Variants in DHX57 observed in about 807,000 individuals in gnomAD.
DHX57 encodes putative ATP-dependent RNA helicase DHX57.
Under a neutral mutation model 156.2 loss-of-function variants are expected in DHX57, and 105 were observed. The ratio of observed to expected loss-of-function variants is 0.67; its 90% CI spans 0.57 to 0.79. The LOEUF (loss-of-function observed/expected upper bound fraction) is 0.79, where lower values mean the gene tolerates loss of function less well. DHX57 is among the 30% of genes least tolerant of loss of function. DHX57 has a pLI of 0.00. For synonymous variants in DHX57, 704 were observed against 595.6 expected, an observed-to-expected ratio of 1.18 and a Z score of -2.65; for missense variants, 1,847 against 1,661.9, an observed-to-expected ratio of 1.11 and a Z score of -1.94.
At chr2:38,833,040 C>G (rs1357211979) in intron 13 of DHX57, among the ~76,000 whole-genome samples, 15 of 146,426 alleles carry the variant, frequency 1.0e-4, no homozygotes, top group Admixed American at 7.0e-4. Context: ...TGGTGGTGAG[C>G]CACTGTGCCT....
intron 15 of DHX57, 151 bp downstream of exon 15, chr2:38,826,365 A>T: frequency 1.1e-6 from 1 of 890,924 alleles, no homozygotes; most frequent in Non-Finnish European, 1.7e-6. Flanking sequence ...GGTCCTGGCT[A>T]CACAATCATT....
intron 2 of DHX57, among the ~76,000 whole-genome samples, chr2:38,864,512 C>T (rs763904293): frequency 6.6e-6 from 1 of 152,094 alleles, no homozygotes; most frequent in African/African-American, 2.4e-5. Flanking sequence ...TAAAGTCATC[C>T]TTTATCTTAA....
intron 1 of DHX57, among the ~76,000 whole-genome samples, chr2:38,873,776 C>A: frequency 6.6e-6 from 1 of 152,000 alleles, no homozygotes; most frequent in Non-Finnish European, 1.5e-5. Flanking sequence ...GAGGGTAACA[C>A]AGACATTAAA....
At chr2:38,837,782 G>T (rs778732295) in intron 13 of DHX57, 49 bp downstream of exon 13, 2 of 1,145,286 alleles carry the variant, frequency 1.7e-6, no homozygotes, top group East Asian at 2.3e-5. Flanking sequence ...ATTTAGCCAA[G>T]GACTAAGTGT....
In DHX57 at chr2:38,847,008, A is replaced by G; in HGVS notation, c.2219+11T>C. The G allele has an allele frequency of 1.2e-6, 2 of 1,608,680 alleles. No homozygotes were observed. Among genetic ancestry groups the G allele is most frequent in the East Asian group, 2.2e-5 (1 of 44,802 alleles). On this transcript the variant is annotated intron_variant, in intron 11 of 23. Transcript: ENST00000457308. ...GTCCTTTCACTGAATCTTAATTAAT[A>G]TCTTCCTTACCTTGTCACAGCAATT...
At chr2:38,799,750 C>CA (rs34097778) in intron 23 of DHX57, among the ~76,000 whole-genome samples, 56,580 of 98,954 alleles carry the variant, frequency 0.57, 16,137 homozygotes, top group East Asian at 0.77. Context: ...AACTCCATCT[C>CA]AAAAAAAAAA....
intron 12 of DHX57, among the ~76,000 whole-genome samples, chr2:38,841,759 G>A (rs559081795): frequency 7.2e-5 from 11 of 152,272 alleles, no homozygotes; most frequent in African/African-American, 2.4e-4. Flanking sequence ...GAAAGCAAAA[G>A]TAGTGATCCT....
chr2:38,802,571 A>T, intron 23 of DHX57, 144 bp downstream of exon 23: 1 of 999,008 alleles, frequency 1.0e-6, no homozygotes, highest in Non-Finnish European at 1.4e-6. Flanking sequence ...TATAGGTGTG[A>T]GCCACTGGGC....
chr2:38,800,185 CAAAA>C (rs55726914), intron 23 of DHX57, among the ~76,000 whole-genome samples: 3 of 93,502 alleles, frequency 3.2e-5, no homozygotes. Context: ...AACTCCATCT[CAAAA>C]AAAAAAAAAA....
intron 14 of DHX57, among the ~76,000 whole-genome samples, chr2:38,827,518 A>G: frequency 6.1e-5 from 1 of 16,414 alleles, no homozygotes; most frequent in Non-Finnish European, 1.4e-3. Flanking sequence ...ATATATATAT[A>G]TATATATATA....
At position 38,856,435 on chromosome 2, in the gene DHX57, C is replaced by A; in HGVS notation, c.1614G>T (p.Leu538=). ...KQASRQFQSI[L]QERQSLPAWE... ...AAGCAGGGAGTGATTGCCTCTCTTGCAGAATGGACTGGAACTGTCTGGAAG... is the reference window on the plus strand; with the variant it reads ...AAGCAGGGAGTGATTGCCTCTCTTGAAGAATGGACTGGAACTGTCTGGAAG... Residue 538 remains leucine, a synonymous_variant, in exon 7 of 24, where the codon CTG becomes CTT. Transcript: ENST00000457308. The A allele has an allele frequency of 6.2e-7, 1 of 1,613,254 alleles. No individual in the cohort carries two copies. The highest frequency in any genetic ancestry group is 1.7e-5 in the Admixed American group (1 of 59,920).
At chr2:38,875,267 C>G (rs991676096) in intron 1 of DHX57, among the ~76,000 whole-genome samples, 1 of 152,206 alleles carries the variant, frequency 6.6e-6, no homozygotes, top group Non-Finnish European at 1.5e-5. Context: ...ATACAGGGAC[C>G]TAAGTTTGGC....
In DHX57 at chr2:38,874,134, C is replaced by G. The variant is rs144262793; in HGVS notation, c.-7+1653G>C. 2.7e-3 allele frequency among the ~76,000 whole-genome samples: 414 copies of G among 152,162 alleles called. 2 individuals are homozygous for G. The highest frequency in any genetic ancestry group is 0.01 in the Middle Eastern group (3 of 294). On this transcript the variant is annotated intron_variant, in intron 1 of 23. Transcript: ENST00000457308. ...TGAGACTGGATCTTGCTCTATCACC[C>G]AGGCTGCAGTGCAGTGGTACGATCA...
chr2:38,807,705 C>T (rs1415890011), intron 21 of DHX57, among the ~76,000 whole-genome samples: 7 of 148,198 alleles, frequency 4.7e-5, no homozygotes, highest in South Asian at 2.2e-4. Context: ...TGGAGTGCAA[C>T]GGTGCAATCT....
intron 11 of DHX57, among the ~76,000 whole-genome samples, chr2:38,843,683 T>C (rs1051385000): frequency 6.6e-6 from 1 of 152,196 alleles, no homozygotes; most frequent in South Asian, 2.1e-4. Context: ...GATAGTTTAA[T>C]ATTTGTTAGT....
chr2:38,802,664 CA>C, intron 23 of DHX57, 50 bp downstream of exon 23: 1 of 1,604,392 alleles, frequency 6.2e-7, no homozygotes, highest in Middle Eastern at 1.7e-4. Flanking sequence ...TTCATATTGT[CA>C]AAGCCCCTCA....
chr2:38,860,029 G>C (rs896443829), intron 5 of DHX57, among the ~76,000 whole-genome samples: 1 of 152,040 alleles, frequency 6.6e-6, no homozygotes, highest in South Asian at 2.1e-4. Flanking sequence ...ATGCTGCCCA[G>C]GCTGGTCTCA....
chr2:38,854,885 T>C, intron 8 of DHX57, 172 bp downstream of exon 8: 1 of 657,614 alleles, frequency 1.5e-6, no homozygotes, highest in East Asian at 3.1e-5. Context: ...TACCAAAATA[T>C]TTCTAAATAT....
chr2:38,868,520 G>A, intron 1 of DHX57, 109 bp from the exon 2 acceptor site: 1 of 1,130,696 alleles, frequency 8.8e-7, no homozygotes, highest in Non-Finnish European at 1.2e-6. Flanking sequence ...AAAGGAAAAT[G>A]CATATGTAAA....
Sources: allele counts gnomAD v4.1 joint callset (sites outside exome capture counted in the v4.1 genomes callset), GRCh38; gene constraint gnomAD v4.1.1; transcripts MANE v1.5; gene names NCBI Gene and HGNC (gene_info 2026-07-23, HGNC 2026-07-21).